GPHN: variants seen among roughly 807,000 people sequenced by gnomAD.
GPHN encodes gephyrin.
In GPHN, 17 loss-of-function variants were observed where a neutral mutation model predicts 95.5. That is an observed-to-expected ratio of 0.18 (90% CI 0.12 to 0.27). GPHN has a LOEUF of 0.27. Among genes scored for constraint, GPHN ranks in the 10% least tolerant of loss-of-function variants. GPHN has a pLI of 1.00. For missense variants in GPHN, 660 were observed against 978.1 expected (o/e 0.67, Z 4.34); for synonymous variants, 320 against 322.5 (o/e 0.99, Z 0.08).
intron 5 of GPHN, among the ~76,000 whole-genome samples, chr14:66,914,564 T>C (rs2065819085): frequency 6.6e-6 from 1 of 152,150 alleles, no homozygotes; most frequent in South Asian, 2.1e-4. Flanking sequence ...GAGGATAATA[T>C]GCAGTAATTG....
chr14:67,492,112 T>A, the GPHN span, among the ~76,000 whole-genome samples: 15 of 152,132 alleles, frequency 9.9e-5, no homozygotes, highest in East Asian at 3.9e-4. Context: ...GCCCACTCTA[T>A]CTCACATGCC....
At chr14:67,557,342 A>G in the GPHN span, 83 of 1,613,926 alleles carry the variant, frequency 5.1e-5, 1 homozygote, top group South Asian at 7.4e-4. Flanking sequence ...CTGCACCGGA[A>G]ATACCAAGAA....
chr14:67,208,978 G>A, the GPHN span, among the ~76,000 whole-genome samples: 4 of 151,668 alleles, frequency 2.6e-5, no homozygotes, highest in East Asian at 7.7e-4. Context: ...GATTTATGAT[G>A]TACCATAAAA....
At chr14:67,280,853 T>TTCCTTCCCTCCCTCCTTCCCTCCC in the GPHN span, among the ~76,000 whole-genome samples, 1 of 77,610 alleles carries the variant, frequency 1.3e-5, no homozygotes, top group East Asian at 6.6e-4. Context: ...CCTTCCTTCC[T>TTCCTTCCCTCCCTCCTTCCCTCCC]TCCCTCCCTC....
intron 3 of GPHN, among the ~76,000 whole-genome samples, chr14:66,817,075 T>TA (rs1430844684): frequency 6.6e-6 from 1 of 152,104 alleles, no homozygotes; most frequent in African/African-American, 2.4e-5. Context: ...AAAGTTTTCT[T>TA]AAAAAGGGTA....
intron 9 of GPHN, among the ~76,000 whole-genome samples, chr14:67,004,672 A>G (rs1354802878): frequency 6.6e-6 from 1 of 151,784 alleles, no homozygotes. Flanking sequence ...ATTTCACCAA[A>G]TTATTGTTAA....
At position 66,885,720 on chromosome 14, in the gene GPHN, T is replaced by C. The variant is rs532080759; in HGVS notation, c.389+5687T>C. On this transcript the variant is annotated intron_variant, in intron 5 of 22. Coordinates refer to ENST00000478722, the MANE Select transcript of GPHN (RefSeq NM_020806.5). ...GAAAATTCAAAGGCAGCTACATATA[T>C]GGGGGAATTTAGAAAGTCACTATGC... 1.1e-4 allele frequency among the ~76,000 whole-genome samples: 16 copies of C among 151,956 alleles called. No homozygotes were observed. In the South Asian group the frequency reaches 3.3e-3, roughly 32 times the overall value.
At position 66,941,683 on chromosome 14, in the gene GPHN, T is replaced by TAAAAAAAAAAAAAAAAA. The variant is rs72495022; in HGVS notation, c.828+17405_828+17406insAAAAAAAAAAAAAAAAA. On this transcript the variant is annotated intron_variant, in intron 8 of 22. Coordinates refer to ENST00000478722, the MANE Select transcript of GPHN (RefSeq NM_020806.5). Reference sequence around the variant, plus strand: ...CACACCCTTCCAGTCAAAGCCTTGGTAAAAAAAAAAAAAACTTGTTTCTCC... The same window carrying TAAAAAAAAAAAAAAAAA: ...CACACCCTTCCAGTCAAAGCCTTGGTAAAAAAAAAAAAAAAAAAAAAAAAAAAAAAACTTGTTTCTCC... Among the ~76,000 whole-genome samples the TAAAAAAAAAAAAAAAAA allele has an allele frequency of 2.2e-4, 30 of 138,660 alleles. 1 individual carries two copies. Among genetic ancestry groups the TAAAAAAAAAAAAAAAAA allele is most frequent in the African/African-American group, 6.9e-4 (26 of 37,528 alleles). 91.0% of individuals were successfully genotyped at this position (138,660 alleles called of 152,430 possible). A position where few individuals can be genotyped will look rare whatever the true frequency, so the allele number is the denominator to read the frequency against.
intron 9 of GPHN, among the ~76,000 whole-genome samples, chr14:66,972,586 A>G (rs968847332): frequency 1.3e-5 from 2 of 151,878 alleles, no homozygotes; most frequent in Non-Finnish European, 2.9e-5. Flanking sequence ...GTCACATTCA[A>G]GGCTCAAGTT....
chr14:66,783,140 C>T (rs1806791279), intron 3 of GPHN, among the ~76,000 whole-genome samples: 1 of 152,120 alleles, frequency 6.6e-6, no homozygotes, highest in African/African-American at 2.4e-5. Flanking sequence ...AATATTTGCC[C>T]TACTACAGCT....
At chr14:66,988,543 A>G (rs1486489169) in intron 9 of GPHN, among the ~76,000 whole-genome samples, 1 of 151,988 alleles carries the variant, frequency 6.6e-6, no homozygotes, top group African/African-American at 2.4e-5. Flanking sequence ...TTTTAGAATA[A>G]ATGTATGTCA....
the GPHN span, among the ~76,000 whole-genome samples, chr14:67,191,102 C>T: frequency 2.2e-4 from 34 of 152,230 alleles, 1 homozygote; most frequent in Middle Eastern, 6.8e-3. Context: ...GGCATGGTGG[C>T]GGGCGCCTCT....
At chr14:66,652,184 A>G (rs769208486) in intron 1 of GPHN, among the ~76,000 whole-genome samples, 3 of 152,112 alleles carry the variant, frequency 2.0e-5, no homozygotes, top group Non-Finnish European at 4.4e-5. Context: ...TTTATTAAAC[A>G]CCTATCATAT....
Position 67,082,033 on chromosome 14 carries a change from A to T in GPHN, c.1145-6950A>T, listed in dbSNP as rs1452122262. ...GTATAGTTTGAAGTCACGTAGTGTG[A>T]TGTCTCCAGATTTGTTCTTTTTGCT... On this transcript the variant is annotated intron_variant, in intron 11 of 22. Transcript: ENST00000478722. Among the ~76,000 whole-genome samples the T allele has an allele frequency of 5.9e-5, 9 of 152,182 alleles. No homozygotes were observed. In the East Asian group the frequency reaches 1.5e-3, roughly 26 times the overall value.
chr14:67,037,526 A>G (rs887617201), intron 10 of GPHN, among the ~76,000 whole-genome samples: 3 of 152,042 alleles, frequency 2.0e-5, no homozygotes, highest in Admixed American at 2.0e-4. Flanking sequence ...AGAATGGGAA[A>G]AAATAATTGC....
At chr14:66,554,972 A>G (rs1594944221) in intron 1 of GPHN, among the ~76,000 whole-genome samples, 1 of 152,202 alleles carries the variant, frequency 6.6e-6, no homozygotes, top group Admixed American at 6.5e-5. Flanking sequence ...CAAAGATACT[A>G]TGACAGTTGC....
the GPHN span, chr14:67,335,669 A>T: frequency 6.6e-6 from 1 of 152,666 alleles, no homozygotes; most frequent in Non-Finnish European, 1.5e-5. Flanking sequence ...TAAAGCAGGG[A>T]TTTAGCCTTA....
Position 66,548,432 on chromosome 14 carries a change from CA to C in GPHN, c.64+39842del, listed in dbSNP as rs371841320. 1.6e-4 allele frequency among the ~76,000 whole-genome samples: 25 copies of C among 152,280 alleles called. No individual in the cohort carries two copies. The East Asian group carries it at 4.4e-3, about 27-fold the overall frequency. ...CTGACCTCAGATGATCCACCTGCCT[CA>C]GCCTCCCAAAGTGCTGGGATTACAG... On this transcript the variant is annotated intron_variant, in intron 1 of 22. Transcript: ENST00000478722.
At chr14:66,953,399 C>T (rs1402604571) in intron 8 of GPHN, among the ~76,000 whole-genome samples, 1 of 151,942 alleles carries the variant, frequency 6.6e-6, no homozygotes. Flanking sequence ...AATCCATCAC[C>T]AAAGTCGTGA....
Sources: allele counts gnomAD v4.1 joint callset (sites outside exome capture counted in the v4.1 genomes callset), GRCh38; gene constraint gnomAD v4.1.1; transcripts MANE v1.5; gene names NCBI Gene and HGNC (gene_info 2026-07-23, HGNC 2026-07-21).